The following MYT1 variants were observed in gnomAD, a reference collection of about 807,000 sequenced individuals.
MYT1 encodes myelin transcription factor I.
In MYT1, 23 loss-of-function variants were observed where a neutral mutation model predicts 123.0. That is an observed-to-expected ratio of 0.19 (90% CI 0.13 to 0.26). The LOEUF is 0.26. MYT1 is among the 10% of genes least tolerant of loss of function. The pLI is 1.00. For synonymous variants in MYT1, 518 were observed against 575.3 expected, an observed-to-expected ratio of 0.90 and a Z score of 1.43; for missense variants, 1,125 against 1,472.5, an observed-to-expected ratio of 0.76 and a Z score of 3.86.
rs1185284066 is a variant in MYT1, at chr20:64,213,433, A to G, written c.1518-101A>G. 2.0e-5 allele frequency: 17 copies of G among 837,138 alleles called. No individual in the cohort carries two copies. The highest frequency in any genetic ancestry group is 3.5e-4 in the Middle Eastern group (1 of 2,876). The allele number at this position is 837,138 out of a possible 1,614,324, so 51.9% of individuals were successfully genotyped here. A position where few individuals can be genotyped will look rare whatever the true frequency, so the allele number is the denominator to read the frequency against. ...TCTGGAGTTCACCTGGAGTTCTCAC[A>G]TCTGAATGACCTTGCCGTGAGACAC... is the stretch of plus-strand genomic sequence containing the variant. On this transcript the variant is annotated intron_variant, in intron 9 of 22. Transcript: ENST00000328439. The surrounding 1 kb of genome is among the most constrained non-coding windows in gnomAD (Gnocchi z 5.6).
intron 2 of MYT1, among the ~76,000 whole-genome samples, chr20:64,197,813 C>T (rs926351782): frequency 9.2e-5 from 14 of 152,194 alleles, no homozygotes; most frequent in African/African-American, 3.4e-4. Context: ...CCTCGCCGGA[C>T]AATGCTGTGG....
In MYT1 at chr20:64,202,071, T is replaced by TCGGGAACCTCTGC. The variant is rs1555812039; in HGVS notation, c.86+2149_86+2150insCGGGAACCTCTGC. On this transcript the variant is annotated intron_variant, in intron 4 of 22. Coordinates refer to ENST00000328439, the MANE Select transcript of MYT1 (RefSeq NM_004535.3). This position sits in a 1 kb window ranked among gnomAD's most constrained non-coding sequence, Gnocchi z 5.0. ...AACCTCTGCGTGTCGGGAACCCCTG[T>TCGGGAACCTCTGC]GTGCAGGACTTTCTCTGTGGATGAC... is the stretch of plus-strand genomic sequence containing the variant. Among the ~76,000 whole-genome samples, 4 of 116,994 alleles carry TCGGGAACCTCTGC rather than the reference T, an allele frequency of 3.4e-5. No individual in the cohort carries two copies. The highest frequency in any genetic ancestry group is 8.2e-5 in the Admixed American group (1 of 12,166). The allele number at this position is 116,994 out of a possible 152,430, so 76.8% of individuals were successfully genotyped here.
chr20:64,180,599 T>TG (rs1386868586), intron 1 of MYT1, among the ~76,000 whole-genome samples: 1 of 152,228 alleles, frequency 6.6e-6, no homozygotes, highest in Non-Finnish European at 1.5e-5. Context: ...GCTCTGGTGC[T>TG]GGGGAGCCTC....
At chr20:64,177,683 C>CAG (rs1352886839) in intron 1 of MYT1, among the ~76,000 whole-genome samples, 3 of 151,950 alleles carry the variant, frequency 2.0e-5, no homozygotes, top group African/African-American at 7.2e-5. Context: ...TACCCCTCTC[C>CAG]GGAGCTAGTG....
intron 2 of MYT1, among the ~76,000 whole-genome samples, chr20:64,195,249 T>C (rs1052958208): frequency 6.6e-6 from 1 of 152,004 alleles, no homozygotes; most frequent in Admixed American, 6.5e-5. Flanking sequence ...TTGTTTTGGT[T>C]CCTGAGTTTG....
At chr20:64,172,579 G>A (rs555298557) in intron 1 of MYT1, among the ~76,000 whole-genome samples, 2 of 152,208 alleles carry the variant, frequency 1.3e-5, no homozygotes, top group East Asian at 3.9e-4. Context: ...AAGCTGAACG[G>A]TTCTAAGAAA....
rs1014043338 is a variant in MYT1, at chr20:64,185,026, G to A, written c.-98-5037G>A. 6.6e-5 allele frequency among the ~76,000 whole-genome samples: 10 copies of A among 152,212 alleles called. No individual in the cohort carries two copies. Among genetic ancestry groups the A allele is most frequent in the African/African-American group, 2.4e-4 (10 of 41,454 alleles). On this transcript the variant is annotated intron_variant, in intron 1 of 22. Coordinates refer to ENST00000328439, the MANE Select transcript of MYT1 (RefSeq NM_004535.3). This position sits in a 1 kb window ranked among gnomAD's most constrained non-coding sequence, Gnocchi z 4.5. ...CATGAAGCCGCCTGTTGTTCCAGTA[G>A]AGGGATGTGGGTGGAGGCCAACTGT...
chr20:64,185,723 G>T lies in MYT1; in HGVS notation c.-98-4340G>T, dbSNP rs1457636750. Among the ~76,000 whole-genome samples the T allele has an allele frequency of 3.3e-5, 5 of 152,200 alleles. No individual in the cohort carries two copies. The highest frequency in any genetic ancestry group is 1.3e-4 in the Admixed American group (2 of 15,288). Reference sequence around the variant, plus strand: ...AAAACAGCCACGGTCGCCCGCAGGGGGTCCCCCATGGGGTTGTGCGTGGAG... The same window carrying T: ...AAAACAGCCACGGTCGCCCGCAGGGTGTCCCCCATGGGGTTGTGCGTGGAG... On this transcript the variant is annotated intron_variant, in intron 1 of 22. Transcript: ENST00000328439. This position sits in a 1 kb window ranked among gnomAD's most constrained non-coding sequence, Gnocchi z 4.5.
chr20:64,211,873 C>T (rs1983677027), intron 8 of MYT1, among the ~76,000 whole-genome samples, 175 bp from the exon 9 acceptor site: 1 of 151,850 alleles, frequency 6.6e-6, no homozygotes, highest in South Asian at 2.1e-4. Context: ...GGAGTTGTGT[C>T]TGCAGGCTCT....
At chr20:64,211,463 C>CAGAT in intron 8 of MYT1, 123 bp downstream of exon 8, 1 of 1,041,472 alleles carries the variant, frequency 9.6e-7, no homozygotes, top group Non-Finnish European at 1.4e-6. Flanking sequence ...TTGGTTTGTC[C>CAGAT]AGATGCTCAT....
intron 10 of MYT1, among the ~76,000 whole-genome samples, chr20:64,216,790 T>C (rs937210626): frequency 3.3e-5 from 5 of 152,222 alleles, no homozygotes; most frequent in Admixed American, 2.6e-4. Context: ...CTCTATCTGA[T>C]GCTGTCAGCA....
At position 64,190,434 on chromosome 20, in the gene MYT1, GA is replaced by G. The variant is rs1190471895; in HGVS notation, c.-1+275del. Reference sequence around the variant, plus strand: ...CACACCTGTAATCCCAGCACTTTGGGAGGCTGAGGCAGGTGGATCACTTGAG... The same window carrying G: ...CACACCTGTAATCCCAGCACTTTGGGGGCTGAGGCAGGTGGATCACTTGAG... On this transcript the variant is annotated intron_variant, in intron 2 of 22. Coordinates refer to ENST00000328439, the MANE Select transcript of MYT1 (RefSeq NM_004535.3). This position sits in a 1 kb window ranked among gnomAD's most constrained non-coding sequence, Gnocchi z 4.1. Among the ~76,000 whole-genome samples, 3 of 152,282 alleles carry G rather than the reference GA, an allele frequency of 2.0e-5. No homozygotes were observed. The highest frequency in any genetic ancestry group is 3.8e-4 in the East Asian group (2 of 5,208).
At chr20:64,176,347 T>C (rs796141357) in intron 1 of MYT1, among the ~76,000 whole-genome samples, 71 of 141,664 alleles carry the variant, frequency 5.0e-4, no homozygotes, top group African/African-American at 1.7e-3. Context: ...CTGCAGCATC[T>C]TTCCCTGTAG....
chr20:64,235,551 A>G (rs1166016258), intron 19 of MYT1, among the ~76,000 whole-genome samples: 47 of 81,514 alleles, frequency 5.8e-4, no homozygotes, highest in African/African-American at 7.7e-4. Context: ...TGGCCGTGGT[A>G]TGTGACCCCG....
At position 64,229,129 on chromosome 20, in the gene MYT1, CTTGT is replaced by C. The variant is rs573661215; in HGVS notation, c.2675+1161_2675+1164del. ...AGCTGTTTGGTGTAATAGGCTGTGG[CTTGT>C]TTATTTATTTAATTTTTACAATAAA... On this transcript the variant is annotated intron_variant, in intron 18 of 22. Coordinates refer to ENST00000328439, the MANE Select transcript of MYT1 (RefSeq NM_004535.3). 2.4e-4 allele frequency among the ~76,000 whole-genome samples: 36 copies of C among 152,294 alleles called. 1 individual carries two copies. Among genetic ancestry groups the C allele is most frequent in the Admixed American group, 1.2e-3 (19 of 15,294 alleles).
At chr20:64,216,292 C>G (rs1209437930) in intron 10 of MYT1, among the ~76,000 whole-genome samples, 1 of 152,246 alleles carries the variant, frequency 6.6e-6, no homozygotes, top group Non-Finnish European at 1.5e-5. Flanking sequence ...TCAGAAGCTC[C>G]TCTGTGCCTG....
At chr20:64,201,517 G>A (rs902464210) in intron 4 of MYT1, among the ~76,000 whole-genome samples, 1 of 152,160 alleles carries the variant, frequency 6.6e-6, no homozygotes, top group African/African-American at 2.4e-5. Context: ...ATGTTCCAAG[G>A]AATCAAATAC....
intron 3 of MYT1, 87 bp from the exon 4 acceptor site, chr20:64,199,805 C>T: frequency 6.8e-7 from 1 of 1,475,972 alleles, no homozygotes; most frequent in Non-Finnish European, 9.5e-7. Context: ...AACCTCTCGG[C>T]TGTTTAACTT....
intron 19 of MYT1, among the ~76,000 whole-genome samples, chr20:64,235,470 G>T (rs1433182503): frequency 7.1e-6 from 1 of 140,754 alleles, no homozygotes; most frequent in African/African-American, 2.7e-5. Context: ...GGGTGACCCT[G>T]GAATGGTCAT....
Sources: allele counts gnomAD v4.1 joint callset (sites outside exome capture counted in the v4.1 genomes callset), GRCh38; gene constraint gnomAD v4.1.1; non-coding constraint Gnocchi (gnomAD v3.1); transcripts MANE v1.5; gene names NCBI Gene and HGNC (gene_info 2026-07-23, HGNC 2026-07-21).